Variants in FGF22 observed in about 807,000 individuals in gnomAD.
FGF22 encodes the protein FGF-22.
In FGF22, 11 loss-of-function variants were observed where a neutral mutation model predicts 10.3. The observed-to-expected ratio is 1.07, with a 90% CI of 0.67 to 1.77. The LOEUF (loss-of-function observed/expected upper bound fraction) is 1.77, where lower values mean the gene tolerates loss of function less well. Ranked by LOEUF, FGF22 falls within the 40% of genes most tolerant of loss-of-function variation. FGF22 has a pLI of 0.00. For synonymous variants in FGF22, 136 were observed against 122.1 expected (o/e 1.11, Z -0.75); for missense variants, 317 against 273.2 (o/e 1.16, Z -1.13).
chr19:643,520 G>A lies in FGF22; in HGVS notation c.429G>A (p.Leu143=), dbSNP rs368828138. Residue 143 remains leucine (L), a synonymous_variant, in exon 3 of 3, where the codon CTG becomes CTA. Coordinates refer to ENST00000215530, the Ensembl canonical transcript of FGF22. The stretch of plus-strand genomic sequence containing the variant: ...GCGGCCAGCCCATGTTCCTGGCGCT[G>A]GACAGGAGGGGGGGGCCCCGGCCAG... 23 of 1,607,164 alleles carry A rather than the reference G, an allele frequency of 1.4e-5. No individual in the cohort carries two copies. The African/African-American group carries it at 2.9e-4, about 21-fold the overall frequency.
At chr19:641,239 C>A (rs765481308) in intron 1 of FGF22, 36 of 456,370 alleles carry the variant, frequency 7.9e-5, no homozygotes, top group Non-Finnish European at 2.2e-5. Context: ...CAGAGGCGCG[C>A]AGCAGTTAGA....
At chr19:643,871 C>T (rs931373227) in exon 3 of FGF22, 34 of 291,576 alleles carry the variant, frequency 1.2e-4, no homozygotes, top group Non-Finnish European at 1.9e-4. Context: ...TCGAGGGGGA[C>T]GTCCCAGGCA....
chr19:640,005 C>T (rs1985847609), exon 1 of FGF22: 5 of 1,321,870 alleles, frequency 3.8e-6, no homozygotes, highest in Non-Finnish European at 9.6e-7. Flanking sequence ...CCGAGCGCGT[C>T]GCGGGGACCG....
chr19:643,010 C>T (rs2144744547), intron 1 of FGF22, among the ~76,000 whole-genome samples: 1 of 152,148 alleles, frequency 6.6e-6, no homozygotes, highest in African/African-American at 2.4e-5. Context: ...GCTTCCCGTT[C>T]CCTCTGCCTG....
At chr19:640,077 T>G in exon 1 of FGF22, 1 of 1,418,816 alleles carries the variant, frequency 7.0e-7, no homozygotes, top group African/African-American at 1.5e-5. Flanking sequence ...TCCACTCACT[T>G]CTTCCTGCGC....
At chr19:643,122 C>G (rs957913441) in intron 1 of FGF22, 113 bp from the exon 2 acceptor site, 292 of 260,262 alleles carry the variant, frequency 1.1e-3, no homozygotes, top group Middle Eastern at 1.9e-3. Context: ...CTCGTGGTCC[C>G]GGGGGTCTCC....
chr19:643,618 C>T (rs1362038006), exon 3 of FGF22: 18 of 1,499,218 alleles, frequency 1.2e-5, no homozygotes, highest in African/African-American at 2.8e-5. Context: ...CCTGAGAGGC[C>T]GGCGGCTCCC....
chr19:641,043 AAC>A, intron 1 of FGF22: 1 of 390,676 alleles, frequency 2.6e-6, no homozygotes, highest in South Asian at 1.8e-5. Context: ...CCTGACCTGG[AAC>A]AGTCTCTGCC....
exon 3 of FGF22, chr19:643,680 T>G (rs1985992339): frequency 8.0e-7 from 1 of 1,256,098 alleles, no homozygotes; most frequent in Non-Finnish European, 1.1e-6. Context: ...TTCTTCCCCC[T>G]GCGGGCTCTG....
chr19:642,556 G>A (rs11572875), intron 1 of FGF22, among the ~76,000 whole-genome samples: 1,218 of 83,382 alleles, frequency 0.015, 56 homozygotes, highest in Non-Finnish European at 0.023. Flanking sequence ...GGCCGGGCTG[G>A]GGGGTCCCTG....
chr19:641,638 C>G (rs1227145499), intron 1 of FGF22: 1 of 204,684 alleles, frequency 4.9e-6, no homozygotes. Flanking sequence ...GTGCGCAGAA[C>G]AGTGAACGGC....
chr19:640,167 G>A (rs1190885534), intron 1 of FGF22, 28 bp downstream of exon 1: 1 of 1,267,258 alleles, frequency 7.9e-7, no homozygotes, highest in Non-Finnish European at 1.0e-6. Context: ...GGGGCCTGGG[G>A]TGGGGAGGCG....
intron 1 of FGF22, chr19:640,517 C>T: frequency 5.6e-6 from 1 of 179,696 alleles, no homozygotes; most frequent in Non-Finnish European, 1.2e-5. Flanking sequence ...TCAGGGCTGC[C>T]TGAGTCGGGG....
At chr19:643,737 G>A (rs1985994603) in exon 3 of FGF22, 3 of 806,764 alleles carry the variant, frequency 3.7e-6, no homozygotes, top group Admixed American at 2.9e-5. Flanking sequence ...ACACAGCCCA[G>A]GAGCCCTCCA....
exon 2 of FGF22, chr19:643,253 C>T: frequency 6.2e-7 from 1 of 1,611,536 alleles, no homozygotes; most frequent in Non-Finnish European, 8.5e-7. Flanking sequence ...GAGATCCGCT[C>T]TGTACACGTG....
Position 640,007 on chromosome 19 carries a change from CG to C in FGF22, c.86del (p.Gly29AspfsTer69), listed in dbSNP as rs1462310023. 1 of 1,325,068 alleles carries C rather than the reference CG, an allele frequency of 7.5e-7. No individual in the cohort carries two copies. Among genetic ancestry groups the C allele is most frequent in the Admixed American group, 3.8e-5 (1 of 26,444 alleles). The allele number at this position is 1,325,068 out of a possible 1,614,324, so 82.1% of individuals were successfully genotyped here. A position where few individuals can be genotyped will look rare whatever the true frequency, so the allele number is the denominator to read the frequency against. ...CGCCGCGGGAACCCCGAGCGCGTCG[CG>C]GGGACCGCGCAGCTACCCGCACCTG... On this transcript the variant is annotated frameshift_variant, in exon 1 of 3. Transcript: ENST00000215530. LOFTEE classifies it high-confidence loss of function.
In FGF22 at chr19:639,960, TG is replaced by T. The variant is rs1234335356; in HGVS notation, c.36del (p.Leu13CysfsTer85). On this transcript the variant is annotated frameshift_variant, in exon 1 of 3. Transcript: ENST00000215530. LOFTEE classifies it high-confidence loss of function. ...CGCCTGTGGCTGGGCCTGGCCTGGC[TG>T]CTGCTGGCGCGGGCGCCGGACGCCG... is the stretch of plus-strand genomic sequence containing the variant. 2 of 1,252,352 alleles carry T rather than the reference TG, an allele frequency of 1.6e-6. No homozygotes were observed. The highest frequency in any genetic ancestry group is 2.0e-6 in the Non-Finnish European group (2 of 1,001,828). 77.6% of individuals were successfully genotyped at this position (1,252,352 alleles called of 1,614,324 possible).
chr19:643,903 T>G, exon 3 of FGF22: 1 of 121,790 alleles, frequency 8.2e-6, no homozygotes, highest in Non-Finnish European at 1.6e-5. Flanking sequence ...AGGCAGGGGC[T>G]CGGGGTGGGG....
intron 1 of FGF22, among the ~76,000 whole-genome samples, chr19:642,629 C>T (rs1274919955): frequency 1.1e-5 from 1 of 87,350 alleles, no homozygotes; most frequent in South Asian, 4.3e-4. Context: ...CTCTGAGGGC[C>T]GGGCTGGGGG....
Sources: allele counts gnomAD v4.1 joint callset (sites outside exome capture counted in the v4.1 genomes callset), GRCh38; gene constraint gnomAD v4.1.1; transcripts MANE v1.5; gene names NCBI Gene and HGNC (gene_info 2026-07-23, HGNC 2026-07-21).